Variants in CRYBA4 observed in about 807,000 individuals in gnomAD.
CRYBA4 encodes crystallin beta A4.
Under a neutral mutation model 31.7 loss-of-function variants are expected in CRYBA4, and 30 were observed. That is an observed-to-expected ratio of 0.95 (90% CI 0.71 to 1.28). CRYBA4 has a LOEUF of 1.28. Ranked by LOEUF, CRYBA4 falls within the 50% of genes most tolerant of loss-of-function variation. The probability of loss-of-function intolerance (pLI) is 0.00; values close to 1 mark genes in which losing one functional copy is unlikely to be tolerated. For synonymous variants in CRYBA4, 102 were observed against 102.3 expected, an observed-to-expected ratio of 1.00 and a Z score of 0.02; for missense variants, 225 against 260.7, an observed-to-expected ratio of 0.86 and a Z score of 0.94.
chr22:26,599,340 C>G, the CRYBA4 span: 2 of 693,656 alleles, frequency 2.9e-6, no homozygotes, highest in East Asian at 5.1e-5. Flanking sequence ...AAGTCACATC[C>G]CAGTAACTAT....
At chr22:26,594,614 C>G in the CRYBA4 span, among the ~76,000 whole-genome samples, 3 of 152,088 alleles carry the variant, frequency 2.0e-5, no homozygotes, top group East Asian at 5.8e-4. Context: ...CTGCTTGAAC[C>G]CGGGAGGTGG....
At chr22:26,624,048 T>C (rs1236608417) in intron 3 of CRYBA4, among the ~76,000 whole-genome samples, 1 of 152,260 alleles carries the variant, frequency 6.6e-6, no homozygotes, top group Non-Finnish European at 1.5e-5. Flanking sequence ...TAGCTACATA[T>C]GGCCAGTGGC....
the CRYBA4 span, chr22:26,616,132 G>T: frequency 6.2e-7 from 1 of 1,613,150 alleles, no homozygotes; most frequent in Non-Finnish European, 8.5e-7. Context: ...GCACCCCCAG[G>T]TCCTTACCCT....
At chr22:26,602,245 A>T in the CRYBA4 span, among the ~76,000 whole-genome samples, 1 of 152,050 alleles carries the variant, frequency 6.6e-6, no homozygotes, top group South Asian at 2.1e-4. Flanking sequence ...GTGTATCCAT[A>T]TAGAGCACTG....
At position 26,628,275 on chromosome 22, in the gene CRYBA4, C is replaced by T. The variant is rs868770847; in HGVS notation, c.301-13C>T. 4 of 1,613,724 alleles carry T rather than the reference C, an allele frequency of 2.5e-6. No individual in the cohort carries two copies. Among genetic ancestry groups the T allele is most frequent in the South Asian group, 2.2e-5 (2 of 91,048 alleles). ...GGAGCCTGCTGGTCTGACTGTGTTCCCTGTTCCTGTAGAACCACCGTGACT... is the reference window on the plus strand; with the variant it reads ...GGAGCCTGCTGGTCTGACTGTGTTCTCTGTTCCTGTAGAACCACCGTGACT... On this transcript the variant is annotated splice_polypyrimidine_tract_variant and intron_variant, in intron 4 of 5. Coordinates refer to ENST00000354760, the MANE Select transcript of CRYBA4 (RefSeq NM_001886.3).
At chr22:26,613,027 A>C in the CRYBA4 span, among the ~76,000 whole-genome samples, 1 of 152,038 alleles carries the variant, frequency 6.6e-6, no homozygotes, top group East Asian at 1.9e-4. Context: ...GCCCCTCCAA[A>C]GACCAAGGAC....
chr22:26,628,446 G>C lies in CRYBA4; in HGVS notation c.443+16G>C. The C allele has an allele frequency of 1.2e-6, 2 of 1,613,268 alleles. No homozygotes were observed. Among genetic ancestry groups the C allele is most frequent in the Non-Finnish European group, 1.7e-6 (2 of 1,179,400 alleles). The stretch of plus-strand genomic sequence containing the variant: ...ACTCTGGGGCGTAAGTGTATTCAAG[G>C]CTCTACCTGGCAGGGGAGGGGCTAC... On this transcript the variant is annotated intron_variant, in intron 5 of 5. Coordinates refer to ENST00000354760, the MANE Select transcript of CRYBA4 (RefSeq NM_001886.3).
At chr22:26,616,962 C>G in the CRYBA4 span, among the ~76,000 whole-genome samples, 3 of 152,198 alleles carry the variant, frequency 2.0e-5, no homozygotes, top group Admixed American at 6.5e-5. Context: ...ACCGTCCATC[C>G]CTAACACTTG....
the CRYBA4 span, among the ~76,000 whole-genome samples, chr22:26,594,407 G>A: frequency 6.6e-6 from 1 of 152,180 alleles, no homozygotes; most frequent in Non-Finnish European, 1.5e-5. Flanking sequence ...TTGGGCTTAT[G>A]CTCCAATGTC....
upstream of CRYBA4, among the ~76,000 whole-genome samples, chr22:26,619,139 A>T (rs1929455407): frequency 6.6e-6 from 1 of 152,202 alleles, no homozygotes; most frequent in South Asian, 2.1e-4. Context: ...TCGGAACAGA[A>T]GGTAGGGTAC....
chr22:26,602,754 C>G, the CRYBA4 span, among the ~76,000 whole-genome samples: 1 of 152,090 alleles, frequency 6.6e-6, no homozygotes, highest in Non-Finnish European at 1.5e-5. Flanking sequence ...GGAGTTTAAC[C>G]AATTGCCCTT....
chr22:26,629,747 A>AAAAAAAAAAAG (rs1490270481), intron 5 of CRYBA4, among the ~76,000 whole-genome samples: 2 of 124,612 alleles, frequency 1.6e-5, no homozygotes, highest in Non-Finnish European at 3.3e-5. Context: ...AAAAAAAAAA[A>AAAAAAAAAAAG]AAAAAAAAAT....
Position 26,624,540 on chromosome 22 carries a change from T to G in CRYBA4, c.159-941T>G, listed in dbSNP as rs544596521. Among the ~76,000 whole-genome samples the G allele has an allele frequency of 6.4e-4, 98 of 152,336 alleles. 1 individual carries two copies. The South Asian group carries it at 0.019, about 29-fold the overall frequency. On this transcript the variant is annotated intron_variant, in intron 3 of 5. Transcript: ENST00000354760. The stretch of plus-strand genomic sequence containing the variant: ...CCTGTGAGTGCCACCTGAGGTCATC[T>G]TGGGTGATTTTTGCACATCTCATGC...
chr22:26,612,197 G>A, the CRYBA4 span: 9 of 1,601,196 alleles, frequency 5.6e-6, no homozygotes, highest in Non-Finnish European at 7.7e-6. Flanking sequence ...CCAGCTGCAG[G>A]AGAGAAGCCC....
At chr22:26,615,175 A>C in the CRYBA4 span, among the ~76,000 whole-genome samples, 1 of 152,160 alleles carries the variant, frequency 6.6e-6, no homozygotes, top group Non-Finnish European at 1.5e-5. Flanking sequence ...GGGGTTGCAA[A>C]ATGGCCTACT....
At chr22:26,627,602 T>TTTCTC in intron 4 of CRYBA4, among the ~76,000 whole-genome samples, 1 of 137,792 alleles carries the variant, frequency 7.3e-6, no homozygotes. Context: ...CTTTCTTTCT[T>TTTCTC]TCTCTTTCTC....
the CRYBA4 span, among the ~76,000 whole-genome samples, chr22:26,594,325 T>G: frequency 2.0e-5 from 3 of 152,206 alleles, no homozygotes; most frequent in Non-Finnish European, 4.4e-5. Context: ...CAGCATCTCA[T>G]GCTGGCACAA....
chr22:26,596,981 G>A, the CRYBA4 span, among the ~76,000 whole-genome samples: 731 of 152,220 alleles, frequency 4.8e-3, 2 homozygotes, highest in African/African-American at 0.017. Flanking sequence ...TTTTATTCCC[G>A]ATTTCTGTCC....
At chr22:26,607,148 T>C in the CRYBA4 span, among the ~76,000 whole-genome samples, 1 of 151,322 alleles carries the variant, frequency 6.6e-6, no homozygotes, top group African/African-American at 2.4e-5. Flanking sequence ...TCAGCCTTGC[T>C]AGTAGCTGGG....
Sources: gnomAD v4.1 joint callset for allele counts (sites outside exome capture counted in the v4.1 genomes callset) on GRCh38, gnomAD v4.1.1 for gene constraint, MANE v1.5 for transcripts, NCBI Gene and HGNC (gene_info 2026-07-23, HGNC 2026-07-21) for gene names.